Variants in PTPRK observed in about 807,000 individuals in gnomAD.
The protein encoded by PTPRK is receptor-type tyrosine-protein phosphatase kappa.
PTPRK carries 75 observed loss-of-function variants against 178.0 expected under a neutral mutation model. The ratio of observed to expected loss-of-function variants is 0.42; its 90% CI spans 0.35 to 0.51. The LOEUF is 0.51. Ranked by LOEUF, PTPRK falls within the 20% of genes least tolerant of loss-of-function variation. The probability of loss-of-function intolerance (pLI) is 0.02; values close to 1 mark genes in which losing one functional copy is unlikely to be tolerated. For synonymous variants in PTPRK, 637 were observed against 620.6 expected, an observed-to-expected ratio of 1.03 and a Z score of -0.39; for missense variants, 1,441 against 1,797.8, an observed-to-expected ratio of 0.80 and a Z score of 3.59.
At chr6:128,226,247 TGAG>T (rs1345951315) in intron 5 of PTPRK, among the ~76,000 whole-genome samples, 2 of 152,242 alleles carry the variant, frequency 1.3e-5, no homozygotes, top group Admixed American at 6.5e-5. Flanking sequence ...ACAGAGATGA[TGAG>T]AATACTCTGT....
At chr6:128,263,959 C>G (rs949109188) in intron 3 of PTPRK, among the ~76,000 whole-genome samples, 12 of 152,154 alleles carry the variant, frequency 7.9e-5, no homozygotes, top group African/African-American at 1.4e-4. Flanking sequence ...AGAAGCACAG[C>G]TGTTTCTTTC....
intron 7 of PTPRK, among the ~76,000 whole-genome samples, chr6:128,147,050 TCTC>T (rs1354594717): frequency 2.6e-5 from 4 of 152,148 alleles, no homozygotes; most frequent in Non-Finnish European, 4.4e-5. Flanking sequence ...CTCAGTTTGC[TCTC>T]CTGTTATCTT....
chr6:128,262,857 C>CAA lies in PTPRK; in HGVS notation c.496-20257_496-20256dup, dbSNP rs747334195. 2.1e-3 allele frequency among the ~76,000 whole-genome samples: 160 copies of CAA among 75,076 alleles called. 1 individual carries two copies. The highest frequency in any genetic ancestry group is 7.1e-3 in the African/African-American group (139 of 19,678). 49.3% of individuals were successfully genotyped at this position (75,076 alleles called of 152,430 possible). ...TTTAGGTGGGTCCAAAACCAATAAC[C>CAA]AAAAAAAAAAAAAAAAAAGTCTAAG... On this transcript the variant is annotated intron_variant, in intron 3 of 29. Transcript: ENST00000368226.
At chr6:128,323,186 C>T (rs1227935534) in intron 2 of PTPRK, among the ~76,000 whole-genome samples, 1 of 152,082 alleles carries the variant, frequency 6.6e-6, no homozygotes, top group African/African-American at 2.4e-5. Context: ...TATAGACTTT[C>T]CATTGCAGAC....
chr6:128,041,116 T>A (rs1777086688), intron 13 of PTPRK, among the ~76,000 whole-genome samples: 1 of 152,146 alleles, frequency 6.6e-6, no homozygotes, highest in Non-Finnish European at 1.5e-5. Flanking sequence ...TCTCCATGAT[T>A]TTTGTAAGAT....
chr6:128,494,075 A>G lies in PTPRK; in HGVS notation c.100+26184T>C, dbSNP rs1311518802. 2.0e-5 allele frequency among the ~76,000 whole-genome samples: 3 copies of G among 152,038 alleles called. No individual in the cohort carries two copies. In the East Asian group the frequency reaches 5.8e-4, roughly 29 times the overall value. ...TACTAGAACAGGTGTCTGTGGTCCAACTACCTGGGCAGCTGAGGCAGGAGG... is the reference window on the plus strand; with the variant it reads ...TACTAGAACAGGTGTCTGTGGTCCAGCTACCTGGGCAGCTGAGGCAGGAGG... On this transcript the variant is annotated intron_variant, in intron 1 of 29. Coordinates refer to ENST00000368226, the MANE Select transcript of PTPRK (RefSeq NM_002844.4).
At chr6:128,312,498 T>C (rs1827384691) in intron 3 of PTPRK, among the ~76,000 whole-genome samples, 1 of 152,138 alleles carries the variant, frequency 6.6e-6, no homozygotes, top group African/African-American at 2.4e-5. Context: ...TTTTGGAGAT[T>C]GTTTTCTGCA....
At chr6:128,324,170 A>G (rs1055279443) in intron 2 of PTPRK, among the ~76,000 whole-genome samples, 6 of 152,056 alleles carry the variant, frequency 3.9e-5, no homozygotes, top group Admixed American at 6.6e-5. Flanking sequence ...CTCCACTACT[A>G]TAACAGTTCC....
intron 1 of PTPRK, among the ~76,000 whole-genome samples, chr6:128,513,493 A>AAAAGAAAGAAAGAAAG (rs562818808): frequency 4.0e-5 from 6 of 150,238 alleles, no homozygotes; most frequent in African/African-American, 1.2e-4. Context: ...CAAAAAAAAA[A>AAAAGAAAGAAAGAAAG]AAAGAAAGAA....
chr6:128,240,209 T>G, intron 4 of PTPRK, 59 bp from the exon 5 acceptor site: 1 of 1,243,286 alleles, frequency 8.0e-7, no homozygotes, highest in South Asian at 1.3e-5. Flanking sequence ...TATGCCATGT[T>G]ACTTTTCTCC....
In PTPRK at chr6:128,354,464, T is replaced by C. The variant is rs548649584; in HGVS notation, c.224-32154A>G. ...GTTAGCCAGGATGGTCTCAATCTCCTGACCTCATGATCTGCCCGCCTCGGC... is the reference window on the plus strand; with the variant it reads ...GTTAGCCAGGATGGTCTCAATCTCCCGACCTCATGATCTGCCCGCCTCGGC... On this transcript the variant is annotated intron_variant, in intron 2 of 29. Transcript: ENST00000368226. 2.6e-5 allele frequency among the ~76,000 whole-genome samples: 4 copies of C among 152,120 alleles called. No homozygotes were observed. The East Asian group carries it at 5.8e-4, about 22-fold the overall frequency.
chr6:128,171,205 T>G (rs530757288), intron 7 of PTPRK, among the ~76,000 whole-genome samples: 1 of 152,160 alleles, frequency 6.6e-6, no homozygotes, highest in Non-Finnish European at 1.5e-5. Context: ...CAAAGTCATT[T>G]CAGCCAGCAT....
intron 13 of PTPRK, among the ~76,000 whole-genome samples, chr6:128,027,607 T>G (rs1774533198): frequency 6.6e-6 from 1 of 152,138 alleles, no homozygotes; most frequent in African/African-American, 2.4e-5. Flanking sequence ...TATGTTTTTT[T>G]TTTCCTTTGA....
intron 6 of PTPRK, among the ~76,000 whole-genome samples, chr6:128,187,008 G>T (rs1369553340): frequency 2.0e-5 from 3 of 152,022 alleles, no homozygotes; most frequent in South Asian, 2.1e-4. Flanking sequence ...TTCACATCTC[G>T]CTGGGGTGCT....
Position 128,461,227 on chromosome 6 carries a change from A to G in PTPRK, c.100+59032T>C, listed in dbSNP as rs564931312. On this transcript the variant is annotated intron_variant, in intron 1 of 29. Coordinates refer to ENST00000368226, the MANE Select transcript of PTPRK (RefSeq NM_002844.4). ...TGTGAAAAATGTTTTATCTTTTGTT[A>G]TTCCGTGTGTGTGTGTGTGTGTGTG... Among the ~76,000 whole-genome samples, 7 of 143,806 alleles carry G rather than the reference A, an allele frequency of 4.9e-5. No individual in the cohort carries two copies. The East Asian group carries it at 1.4e-3, about 28-fold the overall frequency. The allele number at this position is 143,806 out of a possible 152,430, so 94.3% of individuals were successfully genotyped here.
At chr6:128,005,509 T>G (rs1010256886) in intron 14 of PTPRK, among the ~76,000 whole-genome samples, 1 of 151,150 alleles carries the variant, frequency 6.6e-6, no homozygotes, top group African/African-American at 2.4e-5. Context: ...CTCTTAAATA[T>G]CATAAAATAT....
intron 13 of PTPRK, among the ~76,000 whole-genome samples, chr6:128,009,545 C>T (rs1034997843): frequency 6.6e-6 from 1 of 151,102 alleles, no homozygotes; most frequent in Non-Finnish European, 1.5e-5. Context: ...CCCCAAGTGT[C>T]CTTGAAAGTC....
At chr6:128,082,881 T>C (rs936922033) in intron 9 of PTPRK, among the ~76,000 whole-genome samples, 7 of 152,200 alleles carry the variant, frequency 4.6e-5, no homozygotes, top group African/African-American at 9.6e-5. Flanking sequence ...ATACATCTAT[T>C]TTCTTCCATC....
intron 5 of PTPRK, among the ~76,000 whole-genome samples, chr6:128,232,309 T>C (rs7755836): frequency 0.11 from 17,330 of 152,254 alleles, 2,033 homozygotes; most frequent in East Asian, 0.35. Flanking sequence ...TGCTCACGCT[T>C]ATCTCTGAAA....
Sources: allele counts gnomAD v4.1 joint callset (sites outside exome capture counted in the v4.1 genomes callset), GRCh38; gene constraint gnomAD v4.1.1; transcripts MANE v1.5; gene names NCBI Gene and HGNC (gene_info 2026-07-23, HGNC 2026-07-21).